Variants in COL4A6 observed in about 807,000 individuals in gnomAD.
The protein encoded by COL4A6 is collagen type IV alpha 6 chain, also known as collagen alpha-6(IV) chain.
In COL4A6, 59 loss-of-function variants were observed where a neutral mutation model predicts 126.7. The observed-to-expected ratio is 0.47, with a 90% confidence interval of 0.38 to 0.58. The LOEUF (loss-of-function observed/expected upper bound fraction) is 0.58. Among genes scored for constraint, COL4A6 ranks in the 20% least tolerant of loss-of-function variants. The pLI is 0.00. For synonymous variants in COL4A6, 547 were observed against 496.6 expected, an observed-to-expected ratio of 1.10 and a Z score of -1.35; for missense variants, 1,285 against 1,337.3, an observed-to-expected ratio of 0.96 and a Z score of 0.61.
At chrX:108,392,343 AATATTT>A (rs2040856381) in intron 2 of COL4A6, among the ~76,000 whole-genome samples, 1 of 111,097 alleles carries the variant, frequency 9.0e-6, no homozygotes, top group Non-Finnish European at 1.9e-5. Context: ...AATGGGAAAA[AATATTT>A]GCAAATCATC....
intron 2 of COL4A6, among the ~76,000 whole-genome samples, chrX:108,351,436 C>CTGTGTGTGTGTGTG (rs1336858729): frequency 7.3e-5 from 6 of 82,240 alleles, no homozygotes; most frequent in Non-Finnish European, 1.1e-4. Context: ...AGGTAACTCT[C>CTGTGTGTGTGTGTG]TCTCTCTGTG....
At chrX:108,331,902 A>G (rs994114516) in intron 2 of COL4A6, among the ~76,000 whole-genome samples, 3 of 111,233 alleles carry the variant, frequency 2.7e-5, no homozygotes, top group African/African-American at 9.8e-5. Context: ...TGTTACATGA[A>G]TATGTTGAGT....
chrX:108,249,831 G>A (rs2036807630), intron 3 of COL4A6, among the ~76,000 whole-genome samples: 2 of 111,570 alleles, frequency 1.8e-5, no homozygotes, highest in Non-Finnish European at 3.8e-5. Context: ...CCTCTCCAGC[G>A]CTATCTGCCT....
chrX:108,195,836 A>G (rs1443817672), intron 14 of COL4A6, among the ~76,000 whole-genome samples: 2 of 111,231 alleles, frequency 1.8e-5, no homozygotes, highest in African/African-American at 6.5e-5. Context: ...AGAGAAAGAA[A>G]TGGCAGGGTA....
intron 29 of COL4A6, among the ~76,000 whole-genome samples, 157 bp from the exon 30 acceptor site, chrX:108,175,372 G>A (rs1355091628): frequency 9.0e-6 from 1 of 110,984 alleles, no homozygotes; most frequent in East Asian, 2.8e-4. Context: ...ACATTTCTGT[G>A]TATGTCCTCT....
At chrX:108,273,108 C>T (rs983650792) in intron 3 of COL4A6, among the ~76,000 whole-genome samples, 3 of 110,023 alleles carry the variant, frequency 2.7e-5, no homozygotes, top group Non-Finnish European at 3.8e-5. Flanking sequence ...CGACAGGCCC[C>T]GGTGTGTGAC....
At chrX:108,261,788 T>C (rs1357558041) in intron 3 of COL4A6, among the ~76,000 whole-genome samples, 1 of 111,662 alleles carries the variant, frequency 9.0e-6, no homozygotes, top group Non-Finnish European at 1.9e-5. Context: ...AAACATTCCA[T>C]CTGATCTATA....
chrX:108,285,671 C>T (rs2037986906), intron 3 of COL4A6, among the ~76,000 whole-genome samples: 1 of 111,293 alleles, frequency 9.0e-6, no homozygotes, highest in African/African-American at 3.3e-5. Context: ...GCAAAAACTG[C>T]CATTTTTCAG....
At chrX:108,219,116 C>T in intron 5 of COL4A6, among the ~76,000 whole-genome samples, 1 of 112,190 alleles carries the variant, frequency 8.9e-6, no homozygotes. Context: ...AAAGAAATGT[C>T]TGCAAGTTCC....
At chrX:108,273,559 T>G (rs1385988239) in intron 3 of COL4A6, among the ~76,000 whole-genome samples, 5 of 112,222 alleles carry the variant, frequency 4.5e-5, no homozygotes, top group Non-Finnish European at 9.4e-5. Context: ...CTACTCACAA[T>G]AGCAAAGACT....
intron 2 of COL4A6, among the ~76,000 whole-genome samples, chrX:108,404,045 T>C (rs1345966007): frequency 9.0e-6 from 1 of 111,219 alleles, no homozygotes; most frequent in Non-Finnish European, 1.9e-5. Context: ...GTCTTAACAA[T>C]TGAAAGCAGA....
At chrX:108,265,516 G>A (rs2208781) in intron 3 of COL4A6, among the ~76,000 whole-genome samples, 2 of 110,409 alleles carry the variant, frequency 1.8e-5, no homozygotes, top group South Asian at 3.8e-4. Flanking sequence ...AAGGGATTAC[G>A]TGTCTGAGGG....
Position 108,319,542 on chromosome X carries a change from G to A in COL4A6, c.64-8714C>T, listed in dbSNP as rs2038971417. ...GAGTAAAGAATCAACAACCAGAGGG[G>A]TCCTGGAAAGCAAGGAGGAAAAAAA... On this transcript the variant is annotated intron_variant, in intron 2 of 44. Transcript: ENST00000334504. Among the ~76,000 whole-genome samples the A allele has an allele frequency of 4.5e-5, 5 of 112,023 alleles. No individual in the cohort carries two copies. The South Asian group carries it at 1.9e-3, about 42-fold the overall frequency.
intron 2 of COL4A6, among the ~76,000 whole-genome samples, chrX:108,337,525 G>A (rs1275595666): frequency 3.5e-5 from 4 of 113,033 alleles, no homozygotes; most frequent in Non-Finnish European, 7.5e-5. Flanking sequence ...GAAGCGAGGA[G>A]CAGACAGACA....
chrX:108,339,948 T>G (rs944617100), intron 2 of COL4A6, among the ~76,000 whole-genome samples: 1 of 111,352 alleles, frequency 9.0e-6, no homozygotes, highest in Non-Finnish European at 1.9e-5. Flanking sequence ...GATAAACACC[T>G]TAGTCGATCC....
intron 3 of COL4A6, among the ~76,000 whole-genome samples, chrX:108,292,807 C>T (rs1442298611): frequency 1.8e-5 from 2 of 108,484 alleles, no homozygotes; most frequent in Non-Finnish European, 3.8e-5. Context: ...TGCCACCACA[C>T]AGTAGAAGGA....
At chrX:108,314,135 C>T (rs1191152469) in intron 2 of COL4A6, among the ~76,000 whole-genome samples, 3 of 111,739 alleles carry the variant, frequency 2.7e-5, no homozygotes, top group Admixed American at 9.5e-5. Context: ...GCATAGTATT[C>T]AGAACACCTG....
intron 2 of COL4A6, among the ~76,000 whole-genome samples, chrX:108,386,833 G>GT (rs2040709979): frequency 8.9e-6 from 1 of 111,874 alleles, no homozygotes; most frequent in Non-Finnish European, 1.9e-5. Context: ...TTCTTCTAGG[G>GT]TTTTTATGGT....
In COL4A6 at chrX:108,165,432, A is replaced by G; in HGVS notation, c.3746T>C (p.Leu1249Ser). 8.3e-7 allele frequency: 1 copy of G among 1,206,940 alleles called. No homozygotes were observed. Among genetic ancestry groups the G allele is most frequent in the Non-Finnish European group, 1.1e-6 (1 of 893,883 alleles). Residue 1249 changes from leucine to serine, a missense_variant, in exon 38 of 45, where the codon TTG (leucine) becomes TCG (serine). By Grantham distance (145) the Leu-to-Ser change is moderately radical (BLOSUM62 -2). Coordinates refer to ENST00000334504, the MANE Select transcript of COL4A6 (RefSeq NM_033641.4). ...AGGCTGTCCTGCTATGAGTGAGGGCAAGGAGATGCCTGGGGCACCGGGGAG... is the reference window on the plus strand; with the variant it reads ...AGGCTGTCCTGCTATGAGTGAGGGCGAGGAGATGCCTGGGGCACCGGGGAG... ...AGLPGAPGISLPSLIAGQPGD... is the reference protein window; with the variant it reads ...AGLPGAPGISSPSLIAGQPGD...
Sources: gnomAD v4.1 joint callset for allele counts (sites outside exome capture counted in the v4.1 genomes callset) on GRCh38, gnomAD v4.1.1 for gene constraint, MANE v1.5 for transcripts, NCBI Gene and HGNC (gene_info 2026-07-23, HGNC 2026-07-21) for gene names.